The following ALOX15B variants were observed in gnomAD, a reference collection of about 807,000 sequenced individuals.
The protein encoded by ALOX15B is arachidonate 15-lipoxygenase type B.
In ALOX15B, 74 loss-of-function variants were observed where a neutral mutation model predicts 73.8. The ratio of observed to expected loss-of-function variants is 1.00; its 90% CI spans 0.83 to 1.22. The LOEUF is 1.22. Ranked by LOEUF, ALOX15B falls within the 50% of genes most tolerant of loss-of-function variation. The pLI is 0.00. For missense variants in ALOX15B, 896 were observed against 859.9 expected, an observed-to-expected ratio of 1.04 and a Z score of -0.52; for synonymous variants, 353 against 357.2, an observed-to-expected ratio of 0.99 and a Z score of 0.13.
chr17:8,048,486 T>A lies in ALOX15B; in HGVS notation c.1952T>A (p.Ile651Asn), dbSNP rs368550756. ...QSRLAQISRG[I>N]QERNQGLVLP... ...CGCCTGGCCCAGATCTCGAGGGGCA[T>A]CCAGGAGCGGAACCAGGGCCTGGTG... is the stretch of plus-strand genomic sequence containing the variant. Residue 651 changes from isoleucine to asparagine, a missense_variant, in exon 14 of 14, where the codon ATC becomes AAC. Coordinates refer to ENST00000380183, the MANE Select transcript of ALOX15B (RefSeq NM_001141.3). The A allele has an allele frequency of 8.7e-6, 14 of 1,614,106 alleles. No individual in the cohort carries two copies. The highest frequency in any genetic ancestry group is 6.6e-5 in the South Asian group (6 of 91,082).
chr17:8,042,746 C>A, intron 4 of ALOX15B, 35 bp from the exon 5 acceptor site: 1 of 1,530,544 alleles, frequency 6.5e-7, no homozygotes, highest in Non-Finnish European at 8.9e-7. Context: ...CCCAGGGCCT[C>A]CTCCCCACTC....
chr17:8,045,518 C>T lies in ALOX15B; in HGVS notation c.1032C>T (p.Phe344=). ...SQTPGPNSPI[F]LPTDDKWDWL... ...CCCCCGGCCCAAACAGCCCCATCTT[C>T]CTGCCCACTGATGACAAGTGGGACT... The change falls in exon 8 of 14, where the codon TTC becomes TTT. Residue 344 remains phenylalanine, a synonymous_variant. Transcript: ENST00000380183. 1.9e-6 allele frequency: 3 copies of T among 1,614,214 alleles called. No homozygotes were observed. Among genetic ancestry groups the T allele is most frequent in the South Asian group, 1.1e-5 (1 of 91,080 alleles).
In ALOX15B at chr17:8,047,525, G is replaced by A. The variant is rs770086848; in HGVS notation, c.1580-39G>A. ...CAAGCCTCCGCAGCAGGGTCCTCAG[G>A]TCCCTGGAAGCCCCATCCCAGCCCA... On this transcript the variant is annotated intron_variant, in intron 11 of 13. Transcript: ENST00000380183. 4 of 1,574,900 alleles carry A rather than the reference G, an allele frequency of 2.5e-6. No homozygotes were observed. In the Admixed American group the frequency reaches 5.5e-5, roughly 22 times the overall value.
At position 8,045,222 on chromosome 17, in the gene ALOX15B, C is replaced by A; in HGVS notation, c.850-16C>A. On this transcript the variant is annotated splice_polypyrimidine_tract_variant and intron_variant, in intron 6 of 13. Coordinates refer to ENST00000380183, the MANE Select transcript of ALOX15B (RefSeq NM_001141.3). ...AGAAAACCAGGTGGCAGCCCCAGAT[C>A]TCCTTTCTTCTGCAGAAGGGCTCCC... The A allele has an allele frequency of 6.2e-7, 1 of 1,614,004 alleles. No individual in the cohort carries two copies. The highest frequency in any genetic ancestry group is 8.5e-7 in the Non-Finnish European group (1 of 1,180,002).
At chr17:8,047,109 G>A (rs1039035432) in intron 10 of ALOX15B, 33 bp downstream of exon 10, 2 of 1,612,278 alleles carry the variant, frequency 1.2e-6, no homozygotes, top group Non-Finnish European at 8.5e-7. Flanking sequence ...CCGAGGGCTG[G>A]TCGGGGACGT....
rs187781490 is a variant in ALOX15B at position 8,047,293 on chromosome 17, G to T, written c.1493G>T (p.Ser498Ile). ...GAAATCATCGGTATCTACTACCCAA[G>T]TGATGAGTCTGTCCAAGATGACAGA... ...VSEIIGIYYPSDESVQDDREL... is the reference protein window; with the variant it reads ...VSEIIGIYYPIDESVQDDREL... The change falls in exon 11 of 14, where the codon AGT becomes ATT. Residue 498 changes from serine (S) to isoleucine (I), a missense_variant. By Grantham distance (142) the Ser-to-Ile change is moderately radical (BLOSUM62 -2). Transcript: ENST00000380183. 6.2e-7 allele frequency: 1 copy of T among 1,614,126 alleles called. No homozygotes were observed. Among genetic ancestry groups the T allele is most frequent in the African/African-American group, 1.3e-5 (1 of 75,028 alleles).
At chr17:8,047,148 C>T in intron 10 of ALOX15B, 72 bp downstream of exon 10, 4 of 1,607,850 alleles carry the variant, frequency 2.5e-6, no homozygotes, top group Non-Finnish European at 3.4e-6. Context: ...ACTGAGGCCC[C>T]AGGGAGGCTC....
intron 8 of ALOX15B, 57 bp from the exon 9 acceptor site, chr17:8,046,611 G>C: frequency 6.4e-7 from 1 of 1,557,858 alleles, no homozygotes; most frequent in East Asian, 2.4e-5. Flanking sequence ...GTGGGGGAAG[G>C]TCTGGGGCCA....
intron 8 of ALOX15B, 30 bp from the exon 9 acceptor site, chr17:8,046,638 C>G: frequency 6.2e-7 from 1 of 1,605,508 alleles, no homozygotes; most frequent in Non-Finnish European, 8.5e-7. Context: ...CCCAGGCCTC[C>G]CCTAGCTCTG....
At chr17:8,040,047 T>C (rs1348910407) in intron 3 of ALOX15B, 64 bp downstream of exon 3, 1 of 1,498,948 alleles carries the variant, frequency 6.7e-7, no homozygotes, top group Non-Finnish European at 9.2e-7. Flanking sequence ...TTGAGTGTCC[T>C]GGTCATGACA....
At chr17:8,048,001 G>A in intron 13 of ALOX15B, 86 bp downstream of exon 13, 3 of 1,467,300 alleles carry the variant, frequency 2.0e-6, no homozygotes, top group Non-Finnish European at 2.8e-6. Flanking sequence ...ACCCAACCCT[G>A]CCATCAGGTA....
At chr17:8,046,072 T>C (rs1309743232) in intron 8 of ALOX15B, among the ~76,000 whole-genome samples, 2 of 152,184 alleles carry the variant, frequency 1.3e-5, no homozygotes, top group Non-Finnish European at 1.5e-5. Context: ...GGGTGGGTTC[T>C]GTAGGTTTCC....
chr17:8,039,859 T>C (rs932451049), intron 2 of ALOX15B, 43 bp from the exon 3 acceptor site: 1 of 1,553,164 alleles, frequency 6.4e-7, no homozygotes, highest in South Asian at 1.2e-5. Flanking sequence ...GTAGTGATGG[T>C]GAGTTTCTCT....
Position 8,046,770 on chromosome 17 carries a change from G to A in ALOX15B, c.1287+16G>A, listed in dbSNP as rs757018160. ...GGTGGACAGGGTGAGAGCTGTGTTG[G>A]GGAGGGAGTAGGCAGGCCACTCCTT... On this transcript the variant is annotated intron_variant, in intron 9 of 13. Transcript: ENST00000380183. The A allele has an allele frequency of 1.2e-6, 2 of 1,613,300 alleles. No homozygotes were observed. The highest frequency in any genetic ancestry group is 1.7e-6 in the Non-Finnish European group (2 of 1,179,768).
At chr17:8,039,346 C>T (rs758388153) in intron 1 of ALOX15B, 40 bp from the exon 2 acceptor site, 3 of 1,594,582 alleles carry the variant, frequency 1.9e-6, no homozygotes, top group African/African-American at 2.7e-5. Flanking sequence ...AGGGGGCGAG[C>T]AGGAGGGTCC....
chr17:8,047,336 C>G lies in ALOX15B; in HGVS notation c.1536C>G (p.Val512=). 6.2e-7 allele frequency: 1 copy of G among 1,614,096 alleles called. No individual in the cohort carries two copies. Among genetic ancestry groups the G allele is most frequent in the Non-Finnish European group, 8.5e-7 (1 of 1,179,994 alleles). ...VQDDRELQAW[V]REIFSKGFLN... ...ATGACAGAGAGCTCCAGGCCTGGGTCAGAGAGATCTTCTCCAAGGGCTTCC... is the reference window on the plus strand; with the variant it reads ...ATGACAGAGAGCTCCAGGCCTGGGTGAGAGAGATCTTCTCCAAGGGCTTCC... Residue 512 remains valine, a synonymous_variant, in exon 11 of 14, where the codon GTC becomes GTG. Coordinates refer to ENST00000380183, the MANE Select transcript of ALOX15B (RefSeq NM_001141.3).
At chr17:8,048,052 G>A (rs1209651674) in intron 13 of ALOX15B, 137 bp downstream of exon 13, 3 of 1,074,880 alleles carry the variant, frequency 2.8e-6, no homozygotes, top group Non-Finnish European at 3.9e-6. Context: ...TGGGACACAT[G>A]AGCCTTGGAC....
intron 5 of ALOX15B, among the ~76,000 whole-genome samples, chr17:8,043,974 C>T (rs1976529512): frequency 6.6e-6 from 1 of 151,944 alleles, no homozygotes; most frequent in Admixed American, 6.6e-5. Flanking sequence ...GAGGCTGAGG[C>T]CTGAGAATTG....
intron 3 of ALOX15B, among the ~76,000 whole-genome samples, chr17:8,041,148 A>C (rs1235739939): frequency 1.3e-5 from 2 of 152,200 alleles, no homozygotes; most frequent in South Asian, 4.1e-4. Flanking sequence ...CAAGAGAGGG[A>C]ATAGACATTG....
Sources: gnomAD v4.1 joint callset for allele counts (sites outside exome capture counted in the v4.1 genomes callset) on GRCh38, gnomAD v4.1.1 for gene constraint, MANE v1.5 for transcripts, NCBI Gene and HGNC (gene_info 2026-07-23, HGNC 2026-07-21) for gene names.